The following C12orf42 variants were observed in gnomAD, a reference collection of about 807,000 sequenced individuals.
C12orf42 encodes the protein uncharacterized protein C12orf42.
C12orf42 carries 25 observed loss-of-function variants against 21.6 expected under a neutral mutation model. The observed-to-expected ratio is 1.16, with a 90% CI of 0.84 to 1.62. The LOEUF (loss-of-function observed/expected upper bound fraction) is 1.62. Ranked by LOEUF, C12orf42 falls within the 40% of genes most tolerant of loss-of-function variation. The probability of loss-of-function intolerance (pLI) is 0.00; values close to 1 mark genes in which losing one functional copy is unlikely to be tolerated. For synonymous variants in C12orf42, 174 were observed against 175.0 expected, an observed-to-expected ratio of 0.99 and a Z score of 0.05; for missense variants, 483 against 459.3, an observed-to-expected ratio of 1.05 and a Z score of -0.47.
At chr12:103,305,121 G>A (rs117457452) in intron 5 of C12orf42, among the ~76,000 whole-genome samples, 60 of 152,216 alleles carry the variant, frequency 3.9e-4, no homozygotes, top group Non-Finnish European at 6.3e-4. Flanking sequence ...AAATAATCTC[G>A]TGTTTGCAGA....
chr12:103,504,547 C>G, the C12orf42 span: 3 of 152,810 alleles, frequency 2.0e-5, no homozygotes, highest in African/African-American at 7.2e-5. Flanking sequence ...CGAGTTTTGT[C>G]TGCTCGTGGC....
intron 2 of C12orf42, among the ~76,000 whole-genome samples, chr12:103,456,601 G>A (rs1017972386): frequency 5.3e-5 from 8 of 152,226 alleles, no homozygotes; most frequent in South Asian, 4.2e-4. Context: ...CACATAGCAC[G>A]CATGATAAAA....
the C12orf42 span, among the ~76,000 whole-genome samples, chr12:103,057,675 T>C: frequency 6.6e-6 from 1 of 152,258 alleles, no homozygotes; most frequent in East Asian, 1.9e-4. Context: ...TGTGCATGTG[T>C]CTTTATAGTA....
the C12orf42 span, among the ~76,000 whole-genome samples, chr12:103,064,315 C>T: frequency 9.2e-5 from 14 of 152,322 alleles, no homozygotes; most frequent in African/African-American, 3.4e-4. Flanking sequence ...CCCAAGGTGG[C>T]AGGGGCCAAA....
At chr12:103,221,687 T>A in the C12orf42 span, among the ~76,000 whole-genome samples, 3 of 152,220 alleles carry the variant, frequency 2.0e-5, no homozygotes, top group African/African-American at 7.2e-5. Context: ...TCAGGGGCTC[T>A]GGCTCTAGCA....
intron 5 of C12orf42, among the ~76,000 whole-genome samples, chr12:103,271,789 G>T (rs892940810): frequency 1.3e-5 from 2 of 152,150 alleles, no homozygotes; most frequent in Admixed American, 6.6e-5. Flanking sequence ...TTCAACATAT[G>T]CATTGAATGG....
chr12:103,269,660 C>A (rs1402869754), intron 6 of C12orf42: 1 of 152,126 alleles, frequency 6.6e-6, no homozygotes, highest in Admixed American at 6.6e-5. Context: ...ATGTACCTGG[C>A]ACCCAGCGGG....
chr12:103,340,366 C>T (rs892187738), intron 4 of C12orf42, among the ~76,000 whole-genome samples: 2 of 152,206 alleles, frequency 1.3e-5, no homozygotes, highest in South Asian at 4.1e-4. Context: ...CCAAACTGGA[C>T]AACTTCATAA....
the C12orf42 span, among the ~76,000 whole-genome samples, chr12:103,541,742 T>G: frequency 6.6e-6 from 1 of 152,240 alleles, no homozygotes; most frequent in Non-Finnish European, 1.5e-5. Context: ...ATTGTATTAT[T>G]TTATCTCGTG....
intron 3 of C12orf42, among the ~76,000 whole-genome samples, chr12:103,374,443 A>G (rs2045521662): frequency 1.3e-5 from 2 of 152,132 alleles, no homozygotes; most frequent in Non-Finnish European, 2.9e-5. Flanking sequence ...TTTCACCAGC[A>G]TGAGGCAAGC....
the C12orf42 span, among the ~76,000 whole-genome samples, chr12:103,211,444 A>G: frequency 6.6e-6 from 1 of 152,180 alleles, no homozygotes; most frequent in Non-Finnish European, 1.5e-5. Flanking sequence ...ACTAAGATTA[A>G]GTTATGAAAA....
chr12:103,420,736 G>A (rs1382840519), intron 2 of C12orf42, among the ~76,000 whole-genome samples: 1 of 152,110 alleles, frequency 6.6e-6, no homozygotes, highest in East Asian at 1.9e-4. Flanking sequence ...GGCCAGACTG[G>A]TCTCGACTTC....
chr12:103,128,554 C>A, the C12orf42 span, among the ~76,000 whole-genome samples: 1 of 152,320 alleles, frequency 6.6e-6, no homozygotes, highest in African/African-American at 2.4e-5. Context: ...GCAAATATTT[C>A]TTGTGTCTTA....
Position 103,329,874 on chromosome 12 carries a change from T to C in C12orf42, c.260-23529A>G, listed in dbSNP as rs1041451533. On this transcript the variant is annotated intron_variant, in intron 4 of 5. Coordinates refer to ENST00000548883, the MANE Select transcript of C12orf42 (RefSeq NM_198521.5). The stretch of plus-strand genomic sequence containing the variant: ...AAATTGTGATAAATATATATTAATA[T>C]TATATACATAAATTGTATGACACAT... Among the ~76,000 whole-genome samples the C allele has an allele frequency of 5.9e-4, 89 of 151,966 alleles. 1 individual carries two copies. The highest frequency in any genetic ancestry group is 1.8e-4 in the Non-Finnish European group (12 of 67,948).
the C12orf42 span, among the ~76,000 whole-genome samples, chr12:103,228,596 AG>A: frequency 1.3e-5 from 2 of 152,154 alleles, no homozygotes; most frequent in Non-Finnish European, 2.9e-5. Flanking sequence ...CAATCTCATC[AG>A]GGCCTTGCAG....
chr12:103,286,207 C>T (rs2036448094), intron 4 of C12orf42, among the ~76,000 whole-genome samples: 1 of 151,740 alleles, frequency 6.6e-6, no homozygotes, highest in South Asian at 2.1e-4. Flanking sequence ...GCCGAGATTG[C>T]ACCACTGCAC....
At chr12:103,432,690 G>T (rs796843523) in intron 2 of C12orf42, among the ~76,000 whole-genome samples, 11 of 152,306 alleles carry the variant, frequency 7.2e-5, no homozygotes, top group African/African-American at 2.6e-4. Context: ...TCTTTAAAGA[G>T]GTAATTAAGG....
At chr12:103,188,442 T>C in the C12orf42 span, among the ~76,000 whole-genome samples, 1 of 152,160 alleles carries the variant, frequency 6.6e-6, no homozygotes, top group Non-Finnish European at 1.5e-5. Context: ...CTTGATTTAT[T>C]GGTGATGTGA....
At chr12:103,249,823 G>A (rs1229320002) in intron 10 of C12orf42, among the ~76,000 whole-genome samples, 1 of 152,042 alleles carries the variant, frequency 6.6e-6, no homozygotes, top group Non-Finnish European at 1.5e-5. Flanking sequence ...AAAAGCCAGG[G>A]TAAGTGAGCA....
Sources: allele counts gnomAD v4.1 joint callset (sites outside exome capture counted in the v4.1 genomes callset), GRCh38; gene constraint gnomAD v4.1.1; transcripts MANE v1.5; gene names NCBI Gene and HGNC (gene_info 2026-07-23, HGNC 2026-07-21).